FBXL17: variants seen among roughly 807,000 people sequenced by gnomAD.
FBXL17 encodes F-box and leucine rich repeat protein 17.
In FBXL17, 22 loss-of-function variants were observed where a neutral mutation model predicts 66.2. That is an observed-to-expected ratio of 0.33 (90% CI 0.24 to 0.47). FBXL17 has a LOEUF of 0.47. Ranked by LOEUF, FBXL17 falls within the 20% of genes least tolerant of loss-of-function variation. The probability of loss-of-function intolerance (pLI) is 1.00; values close to 1 mark genes in which losing one functional copy is unlikely to be tolerated. For synonymous variants in FBXL17, 474 were observed against 400.5 expected (o/e 1.18, Z -2.19); for missense variants, 878 against 948.2 (o/e 0.93, Z 0.97).
chr5:108,377,435 T>G (rs575114324), intron 1 of FBXL17, among the ~76,000 whole-genome samples: 2 of 152,380 alleles, frequency 1.3e-5, no homozygotes, highest in East Asian at 3.9e-4. Context: ...GACAAAGGTT[T>G]TTACTCATTG....
chr5:108,044,481 T>A (rs1324023024), intron 6 of FBXL17, among the ~76,000 whole-genome samples: 1 of 152,184 alleles, frequency 6.6e-6, no homozygotes, highest in Non-Finnish European at 1.5e-5. Flanking sequence ...CAGCCTTGAA[T>A]CCCGGGAATA....
chr5:108,379,678 T>C (rs776087341), intron 1 of FBXL17, among the ~76,000 whole-genome samples: 2 of 152,104 alleles, frequency 1.3e-5, no homozygotes, highest in Non-Finnish European at 2.9e-5. Flanking sequence ...TCATCCACAA[T>C]GAAAATGGTT....
At chr5:108,129,682 A>AAT in intron 6 of FBXL17, among the ~76,000 whole-genome samples, 1 of 152,124 alleles carries the variant, frequency 6.6e-6, no homozygotes, top group East Asian at 1.9e-4. Flanking sequence ...AACTCCTGAG[A>AAT]ATATATCAAA....
chr5:108,381,471 G>A lies in FBXL17; in HGVS notation c.221C>T (p.Ala74Val), dbSNP rs1749921768. The change falls in exon 1 of 9, where the codon GCC (alanine) becomes GTC (valine). Residue 74 changes from alanine (A) to valine (V), a missense_variant. Coordinates refer to ENST00000542267, the MANE Select transcript of FBXL17 (RefSeq NM_001163315.3). Reference sequence around the variant, plus strand: ...GAGCGGCGGCTCCTCCTCTGGGCCGGCGGGGGCGGGCGCGCCGGGACTGTG... The same window carrying A: ...GAGCGGCGGCTCCTCCTCTGGGCCGACGGGGGCGGGCGCGCCGGGACTGTG... ...IVHSPGAPAP[A>V]GPEEEPPLSP... The A allele has an allele frequency of 2.3e-6, 3 of 1,322,522 alleles. No homozygotes were observed. Among genetic ancestry groups the A allele is most frequent in the South Asian group, 2.1e-5 (1 of 47,122 alleles). The allele number at this position is 1,322,522 out of a possible 1,614,324, so 81.9% of individuals were successfully genotyped here.
intron 6 of FBXL17, among the ~76,000 whole-genome samples, chr5:108,099,476 T>C (rs1394710133): frequency 6.6e-6 from 1 of 152,146 alleles, no homozygotes; most frequent in Non-Finnish European, 1.5e-5. Context: ...TATTGATTTA[T>C]AGACAAAAGA....
intron 6 of FBXL17, among the ~76,000 whole-genome samples, chr5:108,071,036 T>A (rs1748310850): frequency 6.6e-6 from 1 of 152,194 alleles, no homozygotes; most frequent in Non-Finnish European, 1.5e-5. Context: ...ATGGAGAAAA[T>A]GCTATCTCAA....
intron 6 of FBXL17, among the ~76,000 whole-genome samples, chr5:108,021,656 T>C (rs1044392376): frequency 6.6e-6 from 1 of 151,804 alleles, no homozygotes; most frequent in African/African-American, 2.4e-5. Context: ...AGTTTCATTT[T>C]TTTTTAATGG....
chr5:108,140,606 C>A (rs1195697601), intron 6 of FBXL17, among the ~76,000 whole-genome samples: 1 of 152,108 alleles, frequency 6.6e-6, no homozygotes, highest in Non-Finnish European at 1.5e-5. Flanking sequence ...ACATGTGGGC[C>A]CTCATGCCAT....
At chr5:108,358,126 T>C (rs998658131) in intron 3 of FBXL17, among the ~76,000 whole-genome samples, 7 of 152,186 alleles carry the variant, frequency 4.6e-5, no homozygotes, top group Non-Finnish European at 1.0e-4. Flanking sequence ...CATCTTCGAA[T>C]ACAAATAGTT....
intron 6 of FBXL17, among the ~76,000 whole-genome samples, chr5:108,060,251 T>C (rs968555650): frequency 7.2e-5 from 11 of 152,002 alleles, no homozygotes; most frequent in Non-Finnish European, 1.2e-4. Context: ...CACACTATTT[T>C]TCAGCTAAAT....
chr5:107,863,233 T>A (rs1748179172), intron 8 of FBXL17, among the ~76,000 whole-genome samples: 1 of 151,236 alleles, frequency 6.6e-6, no homozygotes, highest in Admixed American at 6.6e-5. Flanking sequence ...AAGTCTAGAG[T>A]TCAGACAGCT....
At chr5:108,324,131 C>T (rs1346306129) in intron 4 of FBXL17, among the ~76,000 whole-genome samples, 2 of 151,764 alleles carry the variant, frequency 1.3e-5, no homozygotes, top group Non-Finnish European at 2.9e-5. Flanking sequence ...TAGGACACAA[C>T]AGAAAGACAA....
At chr5:108,317,091 G>A (rs767423988) in intron 4 of FBXL17, among the ~76,000 whole-genome samples, 4 of 150,952 alleles carry the variant, frequency 2.6e-5, no homozygotes, top group Non-Finnish European at 5.9e-5. Flanking sequence ...AATCCCAACA[G>A]GTACTAATTA....
intron 1 of FBXL17, among the ~76,000 whole-genome samples, chr5:108,379,196 A>G (rs1031386946): frequency 1.3e-5 from 2 of 152,192 alleles, no homozygotes; most frequent in African/African-American, 4.8e-5. Flanking sequence ...ACCTCATGAA[A>G]TAATTTGTAA....
Position 108,224,113 on chromosome 5 carries a change from G to C in FBXL17, c.1614+8C>G. 6.7e-7 allele frequency: 1 copy of C among 1,484,094 alleles called. No homozygotes were observed. The highest frequency in any genetic ancestry group is 9.4e-7 in the Non-Finnish European group (1 of 1,065,938). The allele number at this position is 1,484,094 out of a possible 1,614,324, so 91.9% of individuals were successfully genotyped here. On this transcript the variant is annotated splice_region_variant and intron_variant, in intron 5 of 8. Coordinates refer to ENST00000542267, the MANE Select transcript of FBXL17 (RefSeq NM_001163315.3). ...AAAATACCAAGGAAAAGCAGCCATA[G>C]TACCTACCTTGGTTAGGTGAATGAC... is the stretch of plus-strand genomic sequence containing the variant.
intron 7 of FBXL17, among the ~76,000 whole-genome samples, chr5:107,907,377 A>G (rs558810526): frequency 1.3e-5 from 2 of 152,284 alleles, no homozygotes; most frequent in East Asian, 3.9e-4. Flanking sequence ...AAACACATAC[A>G]TACGGGCTCA....
chr5:108,268,441 GAA>G (rs1757132422), intron 4 of FBXL17, among the ~76,000 whole-genome samples: 1 of 152,014 alleles, frequency 6.6e-6, no homozygotes, highest in Non-Finnish European at 1.5e-5. Flanking sequence ...AACGTTATCA[GAA>G]AAGGACCAGA....
rs1479354239 is a variant in FBXL17, at chr5:108,262,078, A to AT, written c.1507-37851dup. On this transcript the variant is annotated intron_variant, in intron 4 of 8. Transcript: ENST00000542267. Reference sequence around the variant, plus strand: ...ATTTTATTTATTTATTTATTTATTTATTTATTTATTTTTTTTGAGACAGAG... The same window carrying AT: ...ATTTTATTTATTTATTTATTTATTTATTTTATTTATTTTTTTTGAGACAGAG... Among the ~76,000 whole-genome samples, 810 of 111,666 alleles carry AT rather than the reference A, an allele frequency of 7.3e-3. 22 individuals are homozygous for AT. The highest frequency in any genetic ancestry group is 0.021 in the African/African-American group (655 of 30,670). The allele number at this position is 111,666 out of a possible 152,430, so 73.3% of individuals were successfully genotyped here.
chr5:108,291,703 C>T (rs563861182), intron 4 of FBXL17, among the ~76,000 whole-genome samples: 15 of 152,248 alleles, frequency 9.9e-5, no homozygotes, highest in East Asian at 7.7e-4. Context: ...AAGTGTTCTC[C>T]GACATCTCAA....
Sources: gnomAD v4.1 joint callset for allele counts (sites outside exome capture counted in the v4.1 genomes callset) on GRCh38, gnomAD v4.1.1 for gene constraint, MANE v1.5 for transcripts, NCBI Gene and HGNC (gene_info 2026-07-23, HGNC 2026-07-21) for gene names.